Variants in RBFOX1 observed in about 807,000 individuals in gnomAD.
The protein encoded by RBFOX1 is RNA binding protein fox-1 homolog 1.
Under a neutral mutation model 57.7 loss-of-function variants are expected in RBFOX1, and 8 were observed. The ratio of observed to expected loss-of-function variants is 0.14; its 90% CI spans 0.08 to 0.25. The LOEUF (loss-of-function observed/expected upper bound fraction) is 0.25, where lower values mean the gene tolerates loss of function less well. Among genes scored for constraint, RBFOX1 ranks in the 10% least tolerant of loss-of-function variants. RBFOX1 has a pLI of 1.00. For synonymous variants in RBFOX1, 326 were observed against 222.4 expected (o/e 1.47, Z -4.15); for missense variants, 611 against 548.5 (o/e 1.11, Z -1.14).
At chr16:6,948,090 C>T (rs150542368) in intron 3 of RBFOX1, among the ~76,000 whole-genome samples, 13 of 152,074 alleles carry the variant, frequency 8.5e-5, no homozygotes, top group African/African-American at 2.7e-4. Context: ...TACATATTCT[C>T]ATTTTCTTCT....
chr16:7,460,389 A>ATATATATATATATG, intron 4 of RBFOX1, among the ~76,000 whole-genome samples: 126 of 87,208 alleles, frequency 1.4e-3, no homozygotes, highest in African/African-American at 7.7e-3. Context: ...ATATATATAT[A>ATATATATATATATG]TGTGTGTGTG....
intron 1 of RBFOX1, among the ~76,000 whole-genome samples, chr16:6,183,758 G>A (rs889905757): frequency 6.6e-6 from 1 of 152,084 alleles, no homozygotes; most frequent in Non-Finnish European, 1.5e-5. Flanking sequence ...GCTGGAGCCT[G>A]GGGTAGGGGA....
rs566413845 is a variant in RBFOX1 at position 7,183,249 on chromosome 16, C to T, written c.27+131151C>T. 1.4e-4 allele frequency among the ~76,000 whole-genome samples: 21 copies of T among 152,220 alleles called. No homozygotes were observed. The South Asian group carries it at 3.9e-3, about 29-fold the overall frequency. Reference sequence around the variant, plus strand: ...TACTTGATTTGGGGAGAAAAAGAAGCCATGGTGAATCACGAAAACATATTC... The same window carrying T: ...TACTTGATTTGGGGAGAAAAAGAAGTCATGGTGAATCACGAAAACATATTC... On this transcript the variant is annotated intron_variant, in intron 4 of 15. Coordinates refer to ENST00000550418, the MANE Select transcript of RBFOX1 (RefSeq NM_018723.4).
intron 3 of RBFOX1, among the ~76,000 whole-genome samples, chr16:6,972,304 T>C (rs989927772): frequency 3.3e-5 from 5 of 152,130 alleles, no homozygotes; most frequent in African/African-American, 1.2e-4. Context: ...GTCTCTATGA[T>C]TGGGCTACGT....
At chr16:6,689,833 A>G (rs1186368144) in intron 3 of RBFOX1, among the ~76,000 whole-genome samples, 1 of 152,202 alleles carries the variant, frequency 6.6e-6, no homozygotes, top group Non-Finnish European at 1.5e-5. Flanking sequence ...CGAGGGCAGT[A>G]AGCTTTGTCT....
At chr16:6,681,297 G>A (rs1028350135) in intron 3 of RBFOX1, among the ~76,000 whole-genome samples, 1 of 152,142 alleles carries the variant, frequency 6.6e-6, no homozygotes, top group Non-Finnish European at 1.5e-5. Flanking sequence ...CAGTTTAGGT[G>A]ACAGAGCAAG....
At chr16:6,852,256 C>A (rs886937334) in intron 3 of RBFOX1, among the ~76,000 whole-genome samples, 1 of 152,090 alleles carries the variant, frequency 6.6e-6, no homozygotes, top group Non-Finnish European at 1.5e-5. Flanking sequence ...GCAGTCTCTG[C>A]CTCTGTGTTC....
At chr16:6,245,374 C>G (rs2097563514) in intron 1 of RBFOX1, among the ~76,000 whole-genome samples, 1 of 152,028 alleles carries the variant, frequency 6.6e-6, no homozygotes, top group Non-Finnish European at 1.5e-5. Flanking sequence ...TTATTTAAGA[C>G]TCCCTCTAAG....
intron 4 of RBFOX1, among the ~76,000 whole-genome samples, chr16:7,275,106 T>G: frequency 6.6e-6 from 1 of 152,296 alleles, no homozygotes; most frequent in South Asian, 2.1e-4. Flanking sequence ...CTTGTCCATC[T>G]GTCTCTGAGC....
intron 2 of RBFOX1, among the ~76,000 whole-genome samples, chr16:6,535,447 C>G (rs2153823578): frequency 6.6e-6 from 1 of 152,184 alleles, no homozygotes; most frequent in South Asian, 2.1e-4. Flanking sequence ...TATGCATTTT[C>G]TTTTCATACC....
intron 3 of RBFOX1, among the ~76,000 whole-genome samples, chr16:5,670,329 A>C (rs1201006807): frequency 6.6e-6 from 1 of 152,208 alleles, no homozygotes; most frequent in Admixed American, 6.5e-5. Flanking sequence ...GCATTTCACC[A>C]CAGTCAAAAT....
At chr16:7,430,465 T>C in intron 4 of RBFOX1, among the ~76,000 whole-genome samples, 1 of 152,040 alleles carries the variant, frequency 6.6e-6, no homozygotes. Flanking sequence ...ATCAAGACCA[T>C]CCTGGCTAAC....
chr16:6,287,470 G>C (rs1007464121), intron 1 of RBFOX1, among the ~76,000 whole-genome samples: 2 of 152,156 alleles, frequency 1.3e-5, no homozygotes, highest in Non-Finnish European at 2.9e-5. Context: ...TGTCAAAGAT[G>C]ATGCTAGGTG....
intron 2 of RBFOX1, among the ~76,000 whole-genome samples, chr16:6,554,559 G>A (rs1380597976): frequency 6.6e-6 from 1 of 152,080 alleles, no homozygotes; most frequent in Non-Finnish European, 1.5e-5. Context: ...AATAAAACTG[G>A]TTTTCTAAAC....
intron 5 of RBFOX1, among the ~76,000 whole-genome samples, chr16:7,541,385 C>G (rs2082887056): frequency 6.6e-6 from 1 of 152,172 alleles, no homozygotes; most frequent in African/African-American, 2.4e-5. Context: ...AGAAGGAGCT[C>G]CACTGATAGG....
chr16:5,722,733 T>G (rs2051982856), intron 3 of RBFOX1, among the ~76,000 whole-genome samples: 1 of 152,186 alleles, frequency 6.6e-6, no homozygotes, highest in Non-Finnish European at 1.5e-5. Flanking sequence ...ATGGATACCA[T>G]TCTATGCTTG....
chr16:5,575,651 G>A (rs961059725), intron 2 of RBFOX1, among the ~76,000 whole-genome samples: 3 of 152,318 alleles, frequency 2.0e-5, no homozygotes, highest in African/African-American at 7.2e-5. Context: ...AGACAGGCAG[G>A]AAAGTGCTAC....
chr16:6,402,842 C>G lies in RBFOX1; in HGVS notation c.-64+85785C>G, dbSNP rs184984788. Among the ~76,000 whole-genome samples, 9 of 152,226 alleles carry G rather than the reference C, an allele frequency of 5.9e-5. No homozygotes were observed. The East Asian group carries it at 1.7e-3, about 29-fold the overall frequency. ...GCTATCAGTTCTGGAACCTAAAATT[C>G]ATGTGGGAAGAATTTAAGTGTAACC... On this transcript the variant is annotated intron_variant, in intron 2 of 15. Coordinates refer to ENST00000550418, the MANE Select transcript of RBFOX1 (RefSeq NM_018723.4).
rs377004010 is a variant in RBFOX1, at chr16:6,542,838, G to A, written c.-63-111765G>A. On this transcript the variant is annotated intron_variant, in intron 2 of 15. Coordinates refer to ENST00000550418, the MANE Select transcript of RBFOX1 (RefSeq NM_018723.4). ...TGGCTCTGCCTTCCTGGGTGCCACA[G>A]TTACCATCTTTTGTAAGTCTGTAAA... 1.1e-4 allele frequency among the ~76,000 whole-genome samples: 17 copies of A among 152,078 alleles called. No homozygotes were observed. In the East Asian group the frequency reaches 2.7e-3, roughly 24 times the overall value.
Sources: allele counts gnomAD v4.1 joint callset (sites outside exome capture counted in the v4.1 genomes callset), GRCh38; gene constraint gnomAD v4.1.1; transcripts MANE v1.5; gene names NCBI Gene and HGNC (gene_info 2026-07-23, HGNC 2026-07-21).